Variants in DDX60 observed in about 807,000 individuals in gnomAD.
The protein encoded by DDX60 is DExD/H-box helicase 60, also known as probable ATP-dependent RNA helicase DDX60.
Under a neutral mutation model 212.8 loss-of-function variants are expected in DDX60, and 165 were observed. That is an observed-to-expected ratio of 0.78 (90% confidence interval 0.68 to 0.88). The LOEUF (loss-of-function observed/expected upper bound fraction) is 0.88. Among genes scored for constraint, DDX60 ranks in the 40% least tolerant of loss-of-function variants. The pLI, the probability that DDX60 is intolerant of heterozygous loss-of-function variation, is 0.00. For missense variants in DDX60, 1,905 were observed against 2,003.9 expected, an observed-to-expected ratio of 0.95 and a Z score of 0.94; for synonymous variants, 703 against 685.3, an observed-to-expected ratio of 1.03 and a Z score of -0.40.
chr4:168,261,914 A>C (rs1219356656), intron 24 of DDX60, 86 bp downstream of exon 24: 1 of 1,440,740 alleles, frequency 6.9e-7, no homozygotes, highest in African/African-American at 1.5e-5. Context: ...GAGGATTAAA[A>C]AAAATCAGAA....
At chr4:168,324,458 G>A in the DDX60 span, among the ~76,000 whole-genome samples, 2 of 152,208 alleles carry the variant, frequency 1.3e-5, no homozygotes, top group Non-Finnish European at 2.9e-5. Flanking sequence ...AGAGATGCCT[G>A]CCCATTTCAG....
rs770842564 is a variant in DDX60, at chr4:168,268,855, C to T, written c.2785G>A (p.Glu929Lys). 11 of 1,519,730 alleles carry T rather than the reference C, an allele frequency of 7.2e-6. No homozygotes were observed. Among genetic ancestry groups the T allele is most frequent in the South Asian group, 5.1e-5 (4 of 77,728 alleles). The allele number at this position is 1,519,730 out of a possible 1,614,324, so 94.1% of individuals were successfully genotyped here. A position where few individuals can be genotyped will look rare whatever the true frequency, so the allele number is the denominator to read the frequency against. The change falls in exon 20 of 38, where the codon GAG becomes AAG. Residue 929 changes from glutamate to lysine, a missense_variant and splice_region_variant. By Grantham distance (56) the Glu-to-Lys change is moderately conservative. Transcript: ENST00000393743. ...TCCAAATTGAAACTTAATGCCTACT[C>T]GGTGAGATGTTCAGGATTACTTATG... Reference protein sequence around the residue: ...ATISNPEHLTEWLQSVKWYWK... With the variant: ...ATISNPEHLTKWLQSVKWYWK...
At chr4:168,320,053 A>T (rs1447884801), upstream of DDX60, among the ~76,000 whole-genome samples, 1 of 152,216 alleles carries the variant, frequency 6.6e-6, no homozygotes, top group Non-Finnish European at 1.5e-5. Context: ...TTAACACATG[A>T]TTGGTCTTAA....
At chr4:168,312,050 A>T (rs551161591) in intron 1 of DDX60, among the ~76,000 whole-genome samples, 66 of 152,292 alleles carry the variant, frequency 4.3e-4, no homozygotes, top group Admixed American at 4.6e-4. Flanking sequence ...TAGCTGAGAT[A>T]ATAAAGCTGG....
At chr4:168,278,550 C>T (rs992308120) in intron 14 of DDX60, among the ~76,000 whole-genome samples, 1 of 152,170 alleles carries the variant, frequency 6.6e-6, no homozygotes, top group South Asian at 2.1e-4. Flanking sequence ...GCGGGCCGGG[C>T]TCAGTGGCTC....
intron 29 of DDX60, among the ~76,000 whole-genome samples, chr4:168,246,980 C>A (rs1024294844): frequency 6.6e-6 from 1 of 152,170 alleles, no homozygotes; most frequent in Non-Finnish European, 1.5e-5. Context: ...CTCTCCCGGC[C>A]CATCTTCCCC....
intron 30 of DDX60, among the ~76,000 whole-genome samples, chr4:168,245,084 T>C (rs1297879517): frequency 6.6e-6 from 1 of 152,210 alleles, no homozygotes; most frequent in East Asian, 1.9e-4. Flanking sequence ...ATGGTTAAGA[T>C]GGTAAATTTT....
intron 26 of DDX60, among the ~76,000 whole-genome samples, chr4:168,254,769 G>A (rs1024180096): frequency 4.6e-5 from 7 of 152,142 alleles, no homozygotes; most frequent in African/African-American, 1.7e-4. Context: ...CAAAAAGGGA[G>A]CAATCAGGAA....
chr4:168,221,987 C>G, intron 35 of DDX60, 106 bp from the exon 36 acceptor site: 2 of 1,198,930 alleles, frequency 1.7e-6, no homozygotes, highest in Non-Finnish European at 2.3e-6. Flanking sequence ...ATTTTTAAAG[C>G]CCACTCTTCA....
intron 6 of DDX60, among the ~76,000 whole-genome samples, chr4:168,297,801 G>T (rs678488): frequency 0.43 from 64,484 of 151,684 alleles, 14,443 homozygotes; most frequent in African/African-American, 0.59. Flanking sequence ...GAGGCTGAGG[G>T]GGAAGAATTG....
In DDX60 at chr4:168,221,738, C is replaced by G; in HGVS notation, c.4968G>C (p.Gln1656His). 1 of 1,609,558 alleles carries G rather than the reference C, an allele frequency of 6.2e-7. No homozygotes were observed. The highest frequency in any genetic ancestry group is 8.5e-7 in the Non-Finnish European group (1 of 1,176,826). Residue 1656 changes from glutamine to histidine, a missense_variant, in exon 36 of 38, where the codon CAG (glutamine) becomes CAC (histidine). Transcript: ENST00000393743. ...AGACAGAGAGGACATACCTGTTATCCTGGACTAATCCTATCAAGGAACCAT... is the reference window on the plus strand; with the variant it reads ...AGACAGAGAGGACATACCTGTTATCGTGGACTAATCCTATCAAGGAACCAT... ...YKHGSLIGLV[Q>H]DNRMNEGDAY...
intron 22 of DDX60, among the ~76,000 whole-genome samples, chr4:168,267,062 A>G (rs188686317): frequency 1.3e-5 from 2 of 152,318 alleles, no homozygotes; most frequent in African/African-American, 2.4e-5. Flanking sequence ...TATGCAAGAA[A>G]AAGTAAGTAA....
Position 168,285,475 on chromosome 4 carries a change from T to C in DDX60, c.1363A>G (p.Asn455Asp). 1 of 1,609,694 alleles carries C rather than the reference T, an allele frequency of 6.2e-7. No homozygotes were observed. The highest frequency in any genetic ancestry group is 8.5e-7 in the Non-Finnish European group (1 of 1,178,640). ...GATGACGTTGGAATAAAACCCAAATTGGGCACCATTTCATTGGAGCTGTCT... is the reference window on the plus strand; with the variant it reads ...GATGACGTTGGAATAAAACCCAAATCGGGCACCATTTCATTGGAGCTGTCT... ...IKDSSNEMVP[N>D]LGFIPTSSFV... The change falls in exon 11 of 38, where the codon AAT becomes GAT. Residue 455 changes from asparagine (N) to aspartate (D), a missense_variant. Transcript: ENST00000393743.
rs1046854372 is a variant in DDX60, at chr4:168,293,911, C to T, written c.758G>A (p.Trp253Ter). Residue 253 changes from tryptophan to a stop codon, truncating the protein, a stop_gained, in exon 7 of 38, where the codon TGG becomes TAG. Transcript: ENST00000393743. LOFTEE classifies it high-confidence loss of function. The stretch of plus-strand genomic sequence containing the variant: ...ACGCCGAATGTCAGATCCTTCTGGC[C>T]AGACTTGTGTAAGCAGAGATACAGT... Reference protein sequence around the residue: ...HKTVSLLTQVWPEGSDIRRVF... With the variant: ...HKTVSLLTQV 6.2e-7 allele frequency: 1 copy of T among 1,613,584 alleles called. No homozygotes were observed. Among genetic ancestry groups the T allele is most frequent in the African/African-American group, 1.3e-5 (1 of 74,854 alleles).
intron 6 of DDX60, among the ~76,000 whole-genome samples, chr4:168,300,096 GA>G (rs1185049067): frequency 6.6e-6 from 1 of 152,122 alleles, no homozygotes; most frequent in Non-Finnish European, 1.5e-5. Flanking sequence ...AATAAACTAT[GA>G]CTAAGTTGGA....
chr4:168,312,733 G>GATAGATAGATAGATAGATAGATAGATAT (rs1737193016), intron 1 of DDX60, among the ~76,000 whole-genome samples: 1 of 151,978 alleles, frequency 6.6e-6, no homozygotes, highest in Admixed American at 6.6e-5. Flanking sequence ...TACACAGATA[G>GATAGATAGATAGATAGATAGATAGATAT]ATAGATAGAT....
intron 3 of DDX60, among the ~76,000 whole-genome samples, chr4:168,310,531 A>G (rs892914527): frequency 6.6e-6 from 1 of 152,222 alleles, no homozygotes; most frequent in Non-Finnish European, 1.5e-5. Flanking sequence ...AATATTAGCC[A>G]TTGAAGAATT....
intron 33 of DDX60, among the ~76,000 whole-genome samples, chr4:168,232,392 C>T (rs2056821733): frequency 6.6e-6 from 1 of 151,850 alleles, no homozygotes; most frequent in South Asian, 2.1e-4. Context: ...AAAGAAAAGC[C>T]CATATAGTCA....
In DDX60 at chr4:168,246,889, T is replaced by C. The variant is rs139236326; in HGVS notation, c.3964-271A>G. ...TGTGTAATATATATCAAAGAAATAA[T>C]GATCTATTGAAGAAACAAAGAACAC... On this transcript the variant is annotated intron_variant, in intron 29 of 37. Coordinates refer to ENST00000393743, the MANE Select transcript of DDX60 (RefSeq NM_017631.6). 5.0e-3 allele frequency among the ~76,000 whole-genome samples: 764 copies of C among 152,292 alleles called. 3 individuals carry two copies. Among genetic ancestry groups the C allele is most frequent in the African/African-American group, 0.017 (714 of 41,558 alleles).
Sources: allele counts gnomAD v4.1 joint callset (sites outside exome capture counted in the v4.1 genomes callset), GRCh38; gene constraint gnomAD v4.1.1; transcripts MANE v1.5; gene names NCBI Gene and HGNC (gene_info 2026-07-23, HGNC 2026-07-21).